TRIP12: variants seen among roughly 807,000 people sequenced by gnomAD.
TRIP12 encodes thyroid hormone receptor interactor 12.
TRIP12 carries 25 observed loss-of-function variants against 244.2 expected under a neutral mutation model. The ratio of observed to expected loss-of-function variants is 0.10; its 90% CI spans 0.07 to 0.14. The LOEUF is 0.14. TRIP12 is among the 10% of genes least tolerant of loss of function. The pLI, the probability that TRIP12 is intolerant of heterozygous loss-of-function variation, is 1.00. For missense variants in TRIP12, 1,677 were observed against 2,486.4 expected, an observed-to-expected ratio of 0.67 and a Z score of 6.92; for synonymous variants, 905 against 873.1, an observed-to-expected ratio of 1.04 and a Z score of -0.64.
chr2:229,811,321 A>G (rs774888201), intron 13 of TRIP12, 117 bp from the exon 14 acceptor site: 38 of 1,048,166 alleles, frequency 3.6e-5, no homozygotes, highest in Non-Finnish European at 5.2e-5. Context: ...CAATTAGTAA[A>G]TGACAGCTTT....
chr2:229,922,568 C>T (rs1484676626), upstream of TRIP12: 1 of 1,614,008 alleles, frequency 6.2e-7, no homozygotes, highest in Non-Finnish European at 8.5e-7. Flanking sequence ...AGGCCCGCCG[C>T]CTAGCAAAGA....
chr2:229,919,414 T>TTA (rs1553791580), intron 1 of TRIP12, among the ~76,000 whole-genome samples: 3 of 146,550 alleles, frequency 2.0e-5, no homozygotes, highest in Middle Eastern at 3.4e-3. Flanking sequence ...GATTCTGCTT[T>TTA]AAAAAAAAAA....
intron 4 of TRIP12, among the ~76,000 whole-genome samples, chr2:229,850,821 G>A (rs1481471144): frequency 2.0e-5 from 3 of 152,338 alleles, no homozygotes; most frequent in African/African-American, 4.8e-5. Flanking sequence ...AGGAGCAGCC[G>A]GCCCTGCCGG....
chr2:229,829,972 T>C (rs1387266002), intron 7 of TRIP12, among the ~76,000 whole-genome samples: 9 of 152,058 alleles, frequency 5.9e-5, no homozygotes, highest in Admixed American at 5.9e-4. Context: ...AAACAAAAAC[T>C]ATGTGTTCCT....
chr2:229,882,285 T>C (rs1167577711), intron 1 of TRIP12, among the ~76,000 whole-genome samples: 1 of 152,220 alleles, frequency 6.6e-6, no homozygotes, highest in Non-Finnish European at 1.5e-5. Context: ...AAATAAAATC[T>C]AATATATTGG....
intron 2 of TRIP12, among the ~76,000 whole-genome samples, chr2:229,879,668 G>A (rs1044663579): frequency 1.3e-5 from 2 of 152,158 alleles, no homozygotes; most frequent in Non-Finnish European, 2.9e-5. Flanking sequence ...AAAAGACCAC[G>A]AATGGTGAAA....
In TRIP12 at chr2:229,806,120, T is replaced by C. The variant is rs182022273; in HGVS notation, c.2497-237A>G. ...AAGCCTTATCAGGGACCCTTAGACA[T>C]AAATGCAGGTAAAATCTTGATGAAA... On this transcript the variant is annotated intron_variant, in intron 17 of 41. Transcript: ENST00000675903. The C allele has an allele frequency of 1.3e-4, 43 of 334,260 alleles. No homozygotes were observed. In the East Asian group the frequency reaches 1.5e-3, roughly 12 times the overall value. The allele number at this position is 334,260 out of a possible 1,614,324, so 20.7% of individuals were successfully genotyped here.
intron 19 of TRIP12, 103 bp downstream of exon 19, chr2:229,803,896 C>T (rs1331675107): frequency 9.1e-7 from 1 of 1,096,730 alleles, no homozygotes; most frequent in Non-Finnish European, 1.3e-6. Flanking sequence ...ATACTCCTAA[C>T]AAATTTTTGT....
intron 2 of TRIP12, among the ~76,000 whole-genome samples, chr2:229,863,919 C>T (rs1297617412): frequency 6.6e-6 from 1 of 150,544 alleles, no homozygotes; most frequent in African/African-American, 2.4e-5. Flanking sequence ...ATTTGTAGAA[C>T]AGTATAGTAA....
intron 18 of TRIP12, among the ~76,000 whole-genome samples, chr2:229,804,589 C>T (rs913935241): frequency 6.6e-6 from 1 of 152,224 alleles, no homozygotes; most frequent in African/African-American, 2.4e-5. Context: ...TAGAAATGCA[C>T]CATATTTCAC....
In TRIP12 at chr2:229,859,380, G is replaced by C. The variant is rs532583604; in HGVS notation, c.419C>G (p.Thr140Ser). 45 of 1,614,176 alleles carry C rather than the reference G, an allele frequency of 2.8e-5. No individual in the cohort carries two copies. The South Asian group carries it at 4.5e-4, about 16-fold the overall frequency. ...SAKKPKALQH[T>S]ESPSETNKPH... is the part of the protein sequence containing the mutation. ...CTTATTTGTTTCTGAGGGAGATTCA[G>C]TATGCTGAAGTGCTTTTGGTTTTTT... Residue 140 changes from threonine (T) to serine (S), a missense_variant, in exon 4 of 42, where the codon ACT (threonine) becomes AGT (serine). Physicochemically the swap from Thr to Ser is moderately conservative, Grantham distance 58. Coordinates refer to ENST00000675903, the MANE Select transcript of TRIP12 (RefSeq NM_001348323.3).
intron 4 of TRIP12, among the ~76,000 whole-genome samples, chr2:229,845,599 G>C (rs1352287034): frequency 6.6e-6 from 1 of 152,010 alleles, no homozygotes; most frequent in Admixed American, 6.6e-5. Context: ...CAAAACAAAA[G>C]AAATAAAGCC....
chr2:229,818,906 A>G (rs2049173056), intron 8 of TRIP12, among the ~76,000 whole-genome samples: 2 of 152,218 alleles, frequency 1.3e-5, no homozygotes, highest in Non-Finnish European at 2.9e-5. Flanking sequence ...CTTCAAAGGA[A>G]ATGTTATACA....
At position 229,765,887 on chromosome 2, in the gene TRIP12, A is replaced by G. The variant is rs1035084937; in HGVS notation, c.*1667T>C. On this transcript the variant is annotated 3_prime_UTR_variant, in exon 42 of 42. Transcript: ENST00000675903. ...ACAGGGAGAGAATTCTCTGCCCCCAACTCCTCTGACAGTTCCCTTCCACTT... is the reference window on the plus strand; with the variant it reads ...ACAGGGAGAGAATTCTCTGCCCCCAGCTCCTCTGACAGTTCCCTTCCACTT... 2 of 152,088 alleles carry G rather than the reference A, an allele frequency of 1.3e-5. No homozygotes were observed. Among genetic ancestry groups the G allele is most frequent in the African/African-American group, 2.4e-5 (1 of 41,402 alleles). 9.4% of individuals were successfully genotyped at this position (152,088 alleles called of 1,614,324 possible).
chr2:229,838,451 G>T (rs1184767006), intron 5 of TRIP12, among the ~76,000 whole-genome samples: 1 of 152,140 alleles, frequency 6.6e-6, no homozygotes, highest in Non-Finnish European at 1.5e-5. Flanking sequence ...TTGCCATGAA[G>T]AGCACTTCAA....
chr2:229,802,475 G>A lies in TRIP12; in HGVS notation c.2999-16C>T, dbSNP rs749881221. On this transcript the variant is annotated splice_polypyrimidine_tract_variant and intron_variant, in intron 20 of 41. Coordinates refer to ENST00000675903, the MANE Select transcript of TRIP12 (RefSeq NM_001348323.3). ...TGCATTACACCTTTATAATAACAGAGATGAAAGGGAGTCAGTTTTAATCAG... is the reference window on the plus strand; with the variant it reads ...TGCATTACACCTTTATAATAACAGAAATGAAAGGGAGTCAGTTTTAATCAG... 5.7e-6 allele frequency: 9 copies of A among 1,592,918 alleles called. No homozygotes were observed. The Admixed American group carries it at 1.5e-4, about 27-fold the overall frequency.
chr2:229,774,294 A>T, intron 37 of TRIP12, 33 bp from the exon 38 acceptor site: 1 of 1,579,166 alleles, frequency 6.3e-7, no homozygotes, highest in Non-Finnish European at 8.6e-7. Flanking sequence ...AAATGGTGTC[A>T]AGCAAAATTA....
intron 1 of TRIP12, among the ~76,000 whole-genome samples, chr2:229,893,663 A>C (rs1425386759): frequency 2.0e-5 from 3 of 152,154 alleles, no homozygotes; most frequent in Non-Finnish European, 4.4e-5. Context: ...TGAATATTCT[A>C]CTGTATGAAT....
intron 32 of TRIP12, among the ~76,000 whole-genome samples, chr2:229,788,395 T>C (rs1301570259): frequency 6.6e-6 from 1 of 152,180 alleles, no homozygotes; most frequent in African/African-American, 2.4e-5. Flanking sequence ...AACTGGTCCC[T>C]GGTGCCAAAA....
Sources: gnomAD v4.1 joint callset for allele counts (sites outside exome capture counted in the v4.1 genomes callset) on GRCh38, gnomAD v4.1.1 for gene constraint, MANE v1.5 for transcripts, NCBI Gene and HGNC (gene_info 2026-07-23, HGNC 2026-07-21) for gene names.